Variants in TAF2 observed in about 807,000 individuals in gnomAD.
TAF2 encodes TATA-box binding protein associated factor 2, also known as transcription initiation factor TFIID subunit 2.
In TAF2, 61 loss-of-function variants were observed where a neutral mutation model predicts 138.5. That is an observed-to-expected ratio of 0.44 (90% CI 0.36 to 0.54). TAF2 has a LOEUF of 0.54. Among genes scored for constraint, TAF2 ranks in the 20% least tolerant of loss-of-function variants. The pLI is 0.00. For missense variants in TAF2, 1,090 were observed against 1,427.9 expected (o/e 0.76, Z 3.81); for synonymous variants, 475 against 469.9 (o/e 1.01, Z -0.14).
At chr8:119,814,927 C>T (rs1224900810) in intron 3 of TAF2, among the ~76,000 whole-genome samples, 1 of 140,908 alleles carries the variant, frequency 7.1e-6, no homozygotes, top group African/African-American at 2.7e-5. Flanking sequence ...AAAAGTGGGG[C>T]GGGGTGGGGG....
chr8:119,816,113 C>T (rs985273425), intron 3 of TAF2, among the ~76,000 whole-genome samples: 6 of 147,592 alleles, frequency 4.1e-5, no homozygotes, highest in Non-Finnish European at 5.9e-5. Flanking sequence ...TGCAGTGGCG[C>T]GATCTCGGCT....
At chr8:119,742,730 T>C (rs1202523632) in intron 24 of TAF2, 74 bp from the exon 25 acceptor site, 4 of 1,563,048 alleles carry the variant, frequency 2.6e-6, no homozygotes, top group Non-Finnish European at 3.5e-6. Context: ...GGCTGACAGG[T>C]TTTTATAAGC....
At chr8:119,818,543 A>G (rs549329036) in intron 3 of TAF2, among the ~76,000 whole-genome samples, 2 of 152,316 alleles carry the variant, frequency 1.3e-5, no homozygotes, top group African/African-American at 4.8e-5. Context: ...CAATCAGGTA[A>G]AATACTGAAA....
intron 19 of TAF2, 45 bp downstream of exon 19, chr8:119,762,370 C>T: frequency 5.2e-6 from 8 of 1,540,522 alleles, no homozygotes; most frequent in Non-Finnish European, 7.1e-6. Flanking sequence ...ATTTCTTTTA[C>T]AGTTATAAGA....
intron 3 of TAF2, among the ~76,000 whole-genome samples, chr8:119,818,717 A>C (rs1165867369): frequency 6.7e-6 from 1 of 148,250 alleles, no homozygotes; most frequent in East Asian, 2.0e-4. Context: ...CACAAAGATG[A>C]CAAAAAAATG....
chr8:119,809,926 T>C (rs1824920842), intron 3 of TAF2, among the ~76,000 whole-genome samples: 1 of 149,716 alleles, frequency 6.7e-6, no homozygotes, highest in African/African-American at 2.5e-5. Flanking sequence ...AGACATGAAA[T>C]GTGCATGTGT....
At chr8:119,796,727 T>C (rs1245772775) in intron 8 of TAF2, among the ~76,000 whole-genome samples, 2 of 152,118 alleles carry the variant, frequency 1.3e-5, no homozygotes, top group Non-Finnish European at 2.9e-5. Context: ...ATAAAACTTA[T>C]AATCATTTTT....
chr8:119,732,464 C>T (rs1030622109), intron 25 of TAF2, among the ~76,000 whole-genome samples: 6 of 152,064 alleles, frequency 3.9e-5, no homozygotes, highest in African/African-American at 1.4e-4. Context: ...TTAATATTTT[C>T]TAAGTATTAT....
intron 18 of TAF2, among the ~76,000 whole-genome samples, chr8:119,765,790 T>C (rs908405486): frequency 4.6e-5 from 7 of 152,224 alleles, no homozygotes; most frequent in African/African-American, 7.2e-5. Context: ...CTGCTAATGA[T>C]AGGTAACATA....
chr8:119,827,220 AG>A (rs1264903278), intron 2 of TAF2, among the ~76,000 whole-genome samples: 3 of 152,162 alleles, frequency 2.0e-5, no homozygotes, highest in African/African-American at 7.2e-5. Context: ...TGGTTTCTAC[AG>A]CCCAAGTGTC....
chr8:119,797,950 T>C lies in TAF2; in HGVS notation c.793-104A>G, dbSNP rs539190840. ...ATAAATAAATGTTCTCATAAATCTA[T>C]TCTTTAATAATTTCAAGATGCTGAA... On this transcript the variant is annotated intron_variant, in intron 6 of 25. Transcript: ENST00000378164. The C allele has an allele frequency of 2.4e-5, 26 of 1,096,052 alleles. No individual in the cohort carries two copies. The African/African-American group carries it at 4.0e-4, about 17-fold the overall frequency. 67.9% of individuals were successfully genotyped at this position (1,096,052 alleles called of 1,614,324 possible). A position where few individuals can be genotyped will look rare whatever the true frequency, so the allele number is the denominator to read the frequency against.
chr8:119,817,242 C>T (rs1825537035), intron 3 of TAF2, among the ~76,000 whole-genome samples: 1 of 152,128 alleles, frequency 6.6e-6, no homozygotes, highest in South Asian at 2.1e-4. Flanking sequence ...ATATACAGGT[C>T]TGTGGCCTGT....
intron 3 of TAF2, among the ~76,000 whole-genome samples, chr8:119,816,450 C>T (rs1300605332): frequency 6.6e-6 from 1 of 152,134 alleles, no homozygotes; most frequent in African/African-American, 2.4e-5. Context: ...TTATTTCTTT[C>T]AGTGTTAAGA....
intron 3 of TAF2, among the ~76,000 whole-genome samples, chr8:119,812,774 GTA>G (rs1361533825): frequency 6.2e-5 from 9 of 145,578 alleles, no homozygotes; most frequent in African/African-American, 1.8e-4. Flanking sequence ...TATATATGGT[GTA>G]TGTGTGTGTG....
Position 119,758,079 on chromosome 8 carries a change from TA to T in TAF2, c.2761del (p.Tyr921MetfsTer2). On this transcript the variant is annotated frameshift_variant, in exon 21 of 26. Coordinates refer to ENST00000378164, the MANE Select transcript of TAF2 (RefSeq NM_003184.4). LOFTEE classifies it high-confidence loss of function. The stretch of plus-strand genomic sequence containing the variant: ...TCATAGCACATAAACTAACCTTACA[TA>T]GGGTACAGGGTCATTCTGAATCATA... ...LNMIQNDPVP[Y>X]VRHKILNMLT... 6.2e-7 allele frequency: 1 copy of T among 1,613,140 alleles called. No homozygotes were observed. Among genetic ancestry groups the T allele is most frequent in the Non-Finnish European group, 8.5e-7 (1 of 1,179,452 alleles).
In TAF2 at chr8:119,797,796, T is replaced by C. The variant is rs775292822; in HGVS notation, c.843A>G (p.Thr281=). Reference sequence around the variant, plus strand: ...ATTCAAAGACTTCATGAAGGTATGATGTGGTATGTTTCAGCAATGGAAGAA... The same window carrying C: ...ATTCAAAGACTTCATGAAGGTATGACGTGGTATGTTTCAGCAATGGAAGAA... ...PQLLPLLKHT[T]SYLHEVFEFY... The change falls in exon 7 of 26, where the codon ACA becomes ACG. Residue 281 remains threonine (T), a synonymous_variant. Transcript: ENST00000378164. 8.1e-6 allele frequency: 13 copies of C among 1,613,586 alleles called. No homozygotes were observed. In the South Asian group the frequency reaches 1.2e-4, roughly 15 times the overall value.
chr8:119,765,449 C>A (rs1294623806), intron 18 of TAF2, among the ~76,000 whole-genome samples: 2 of 151,948 alleles, frequency 1.3e-5, no homozygotes, highest in Admixed American at 6.6e-5. Flanking sequence ...GAAAGGCACC[C>A]TTGGGTTAAG....
At chr8:119,757,828 G>A (rs562995472) in intron 21 of TAF2, among the ~76,000 whole-genome samples, 14 of 152,096 alleles carry the variant, frequency 9.2e-5, no homozygotes, top group Non-Finnish European at 1.6e-4. Context: ...CCCAGGAGGC[G>A]GAGGTTGCAG....
chr8:119,751,454 T>C (rs1330868319), intron 22 of TAF2, among the ~76,000 whole-genome samples: 3 of 152,252 alleles, frequency 2.0e-5, no homozygotes, highest in African/African-American at 7.2e-5. Context: ...TTTATCCTGC[T>C]GGAAAACTTC....
Sources: allele counts gnomAD v4.1 joint callset (sites outside exome capture counted in the v4.1 genomes callset), GRCh38; gene constraint gnomAD v4.1.1; transcripts MANE v1.5; gene names NCBI Gene and HGNC (gene_info 2026-07-23, HGNC 2026-07-21).